Variants in NLGN1 observed in about 807,000 individuals in gnomAD.
NLGN1 encodes neuroligin 1, also known as neuroligin-1.
Under a neutral mutation model 65.5 loss-of-function variants are expected in NLGN1, and 12 were observed. The observed-to-expected ratio is 0.18, with a 90% CI of 0.12 to 0.30. The LOEUF is 0.30. NLGN1 is among the 10% of genes least tolerant of loss of function. The pLI, the probability that NLGN1 is intolerant of heterozygous loss-of-function variation, is 1.00. For synonymous variants in NLGN1, 350 were observed against 359.5 expected (o/e 0.97, Z 0.30); for missense variants, 750 against 1,007.1 (o/e 0.74, Z 3.46).
chr3:174,003,426 C>T (rs1025521236), intron 4 of NLGN1, among the ~76,000 whole-genome samples: 5 of 151,858 alleles, frequency 3.3e-5, no homozygotes, highest in Admixed American at 6.6e-5. Context: ...ATATGAGGCC[C>T]GCTAAAATAC....
intron 4 of NLGN1, among the ~76,000 whole-genome samples, chr3:174,154,889 GATTTTC>G (rs1028033976): frequency 1.9e-5 from 2 of 105,510 alleles, no homozygotes; most frequent in Admixed American, 1.9e-4. Flanking sequence ...TAGATATAAA[GATTTTC>G]ATTTTCATTT....
At chr3:174,087,109 G>A (rs1376883977) in intron 4 of NLGN1, among the ~76,000 whole-genome samples, 1 of 152,116 alleles carries the variant, frequency 6.6e-6, no homozygotes, top group Non-Finnish European at 1.5e-5. Context: ...AATACACACT[G>A]GAGCCCACTT....
intron 3 of NLGN1, among the ~76,000 whole-genome samples, chr3:173,712,824 A>AT (rs1036836355): frequency 6.6e-6 from 1 of 152,102 alleles, no homozygotes; most frequent in Non-Finnish European, 1.5e-5. Flanking sequence ...ATAAAAAAAT[A>AT]TACAGTCTGC....
At chr3:173,632,849 G>GTTT (rs5854526) in intron 3 of NLGN1, among the ~76,000 whole-genome samples, 1 of 116,398 alleles carries the variant, frequency 8.6e-6, no homozygotes, top group Non-Finnish European at 1.8e-5. Flanking sequence ...TTTTTTTTTT[G>GTTT]TTTTTTTTTT....
chr3:173,420,759 A>G (rs1714891982), intron 1 of NLGN1, among the ~76,000 whole-genome samples: 1 of 152,194 alleles, frequency 6.6e-6, no homozygotes, highest in African/African-American at 2.4e-5. Flanking sequence ...GGTGTGGCCC[A>G]GGGAAGCCAA....
intron 4 of NLGN1, among the ~76,000 whole-genome samples, chr3:173,961,343 A>G (rs752297678): frequency 3.9e-5 from 6 of 152,086 alleles, no homozygotes; most frequent in Non-Finnish European, 8.8e-5. Context: ...TACGCTGAGG[A>G]CATCTAGCAG....
chr3:174,207,071 G>C (rs1735550708), intron 4 of NLGN1, among the ~76,000 whole-genome samples: 1 of 152,030 alleles, frequency 6.6e-6, no homozygotes, highest in Non-Finnish European at 1.5e-5. Context: ...GTTGACTTGT[G>C]GGAGAAGTGA....
intron 4 of NLGN1, among the ~76,000 whole-genome samples, chr3:174,196,792 T>C (rs1188011981): frequency 6.6e-6 from 1 of 152,244 alleles, no homozygotes; most frequent in Admixed American, 6.5e-5. Context: ...TAGAAAAAAA[T>C]AGCTAACACA....
At chr3:174,293,849 T>G in the NLGN1 span, among the ~76,000 whole-genome samples, 2 of 150,524 alleles carry the variant, frequency 1.3e-5, no homozygotes, top group Middle Eastern at 3.4e-3. Flanking sequence ...GATTTTACAA[T>G]TTTTTTTGCT....
chr3:173,830,132 T>G (rs1202610528), intron 4 of NLGN1, among the ~76,000 whole-genome samples: 1 of 152,140 alleles, frequency 6.6e-6, no homozygotes, highest in East Asian at 1.9e-4. Context: ...CTTTTTAATA[T>G]AGCAATCTAT....
intron 4 of NLGN1, among the ~76,000 whole-genome samples, chr3:173,862,505 C>CAAAAAAAAAAAAAA (rs10601211): frequency 2.4e-5 from 1 of 41,708 alleles, no homozygotes; most frequent in Non-Finnish European, 4.9e-5. Context: ...GACTCCGTCT[C>CAAAAAAAAAAAAAA]AAAAAAAAAA....
At chr3:173,624,296 A>G (rs1754482737) in intron 3 of NLGN1, among the ~76,000 whole-genome samples, 1 of 152,158 alleles carries the variant, frequency 6.6e-6, no homozygotes, top group Non-Finnish European at 1.5e-5. Flanking sequence ...ATTTGACTGC[A>G]CTTTCTGCCT....
intron 4 of NLGN1, among the ~76,000 whole-genome samples, chr3:173,886,935 A>G (rs533258738): frequency 6.6e-6 from 1 of 152,232 alleles, no homozygotes; most frequent in South Asian, 2.1e-4. Flanking sequence ...TTTAAAAAAT[A>G]TGGCTCTTTT....
intron 4 of NLGN1, among the ~76,000 whole-genome samples, chr3:173,898,944 A>G (rs140440855): frequency 1.7e-3 from 265 of 152,192 alleles, no homozygotes; most frequent in African/African-American, 5.8e-3. Flanking sequence ...AACAATAGCA[A>G]TAATAAAAAT....
downstream of NLGN1, among the ~76,000 whole-genome samples, chr3:174,288,403 C>G (rs552406214): frequency 5.3e-4 from 81 of 151,596 alleles, no homozygotes; most frequent in African/African-American, 1.7e-3. Flanking sequence ...ATTGTGAAGC[C>G]TATCATTGAA....
At chr3:173,774,742 G>A (rs538923707) in intron 3 of NLGN1, among the ~76,000 whole-genome samples, 3 of 152,124 alleles carry the variant, frequency 2.0e-5, no homozygotes, top group Non-Finnish European at 4.4e-5. Context: ...TGAGTACATT[G>A]GTACTCTCAT....
intron 4 of NLGN1, among the ~76,000 whole-genome samples, chr3:173,994,414 C>T (rs370668601): frequency 3.2e-5 from 4 of 124,898 alleles, no homozygotes; most frequent in Admixed American, 1.1e-4. Flanking sequence ...GGATAATTCT[C>T]AGTGAGATTT....
At chr3:173,763,196 C>T (rs2150219287) in intron 3 of NLGN1, among the ~76,000 whole-genome samples, 1 of 152,108 alleles carries the variant, frequency 6.6e-6, no homozygotes, top group Admixed American at 6.6e-5. Flanking sequence ...CTGCCAAGGA[C>T]AGAGATGATT....
intron 4 of NLGN1, among the ~76,000 whole-genome samples, chr3:173,994,794 G>T (rs1390083187): frequency 5.3e-5 from 8 of 152,116 alleles, no homozygotes; most frequent in Admixed American, 5.2e-4. Flanking sequence ...AACACCATGA[G>T]CATTTTACAA....
Sources: gnomAD v4.1 joint callset for allele counts (sites outside exome capture counted in the v4.1 genomes callset) on GRCh38, gnomAD v4.1.1 for gene constraint, MANE v1.5 for transcripts, NCBI Gene and HGNC (gene_info 2026-07-23, HGNC 2026-07-21) for gene names.